The following PFKM variants were observed in gnomAD, a reference collection of about 807,000 sequenced individuals.
The protein encoded by PFKM is phosphofructokinase, muscle.
Under a neutral mutation model 95.5 loss-of-function variants are expected in PFKM, and 58 were observed. The ratio of observed to expected loss-of-function variants is 0.61; its 90% CI spans 0.49 to 0.76. The LOEUF is 0.76. Ranked by LOEUF, PFKM falls within the 30% of genes least tolerant of loss-of-function variation. PFKM has a pLI of 0.00. For missense variants in PFKM, 678 were observed against 1,005.4 expected (o/e 0.67, Z 4.40); for synonymous variants, 336 against 357.2 (o/e 0.94, Z 0.67).
chr12:48,107,936 C>T (rs568476875), intron 2 of PFKM: 9 of 734,930 alleles, frequency 1.2e-5, no homozygotes, highest in African/African-American at 3.5e-5. Flanking sequence ...AGGTACATCG[C>T]GTCTCTAATT....
chr12:48,133,155 A>G, intron 5 of PFKM, 98 bp downstream of exon 5: 2 of 1,350,328 alleles, frequency 1.5e-6, no homozygotes, highest in Admixed American at 3.4e-5. Flanking sequence ...CTCCCATTGG[A>G]GAAAAATGTT....
chr12:48,126,946 T>G (rs1948911395), intron 2 of PFKM, among the ~76,000 whole-genome samples: 1 of 151,334 alleles, frequency 6.6e-6, no homozygotes, highest in South Asian at 2.2e-4. Context: ...GAGAAGCCCC[T>G]CTCTTCACAG....
At chr12:48,127,582 T>C (rs1005414314) in intron 2 of PFKM, among the ~76,000 whole-genome samples, 1 of 152,200 alleles carries the variant, frequency 6.6e-6, no homozygotes, top group Non-Finnish European at 1.5e-5. Flanking sequence ...CTGTCCAGTA[T>C]TTTGTTTTGT....
chr12:48,128,872 C>T (rs1179545330), intron 2 of PFKM, among the ~76,000 whole-genome samples: 2 of 152,116 alleles, frequency 1.3e-5, no homozygotes, highest in South Asian at 4.1e-4. Flanking sequence ...AAATGGTTTA[C>T]AAGAAGTTGA....
At chr12:48,123,344 C>G (rs1214439239) in intron 2 of PFKM, among the ~76,000 whole-genome samples, 1 of 152,108 alleles carries the variant, frequency 6.6e-6, no homozygotes, top group Non-Finnish European at 1.5e-5. Context: ...CTTTCCTCCT[C>G]TTCCCTTTCA....
chr12:48,116,694 G>C (rs958474674), upstream of PFKM, among the ~76,000 whole-genome samples: 1 of 152,170 alleles, frequency 6.6e-6, no homozygotes, highest in African/African-American at 2.4e-5. Flanking sequence ...GCCCAGTCTG[G>C]TCTTAAATTC....
intron 12 of PFKM, 74 bp from the exon 13 acceptor site, chr12:48,139,775 A>C: frequency 9.8e-7 from 1 of 1,016,400 alleles, no homozygotes; most frequent in Non-Finnish European, 1.6e-6. Context: ...GCAACACTTC[A>C]GACCAGGATC....
intron 12 of PFKM, 80 bp downstream of exon 12, chr12:48,139,429 C>T: frequency 9.4e-7 from 1 of 1,066,866 alleles, no homozygotes; most frequent in Non-Finnish European, 1.5e-6. Flanking sequence ...GCTCCAGGCC[C>T]AAAACATGAG....
At chr12:48,137,162 AG>A (rs1950180523) in intron 10 of PFKM, among the ~76,000 whole-genome samples, 1 of 151,506 alleles carries the variant, frequency 6.6e-6, no homozygotes, top group South Asian at 2.1e-4. Flanking sequence ...CCTGGGTTCA[AG>A]GGATTCTTCT....
rs1023553930 is a variant in PFKM at position 48,129,511 on chromosome 12, T to C, written c.86-852T>C. 2.6e-5 allele frequency among the ~76,000 whole-genome samples: 4 copies of C among 152,070 alleles called. No homozygotes were observed. In the South Asian group the frequency reaches 6.2e-4, roughly 24 times the overall value. ...TTGAGGAAATGCCAGGAGAACGCAG[T>C]GAGAGAATAGAGTCCCCACCAATTC... is the stretch of plus-strand genomic sequence containing the variant. On this transcript the variant is annotated intron_variant, in intron 2 of 22. Coordinates refer to ENST00000359794, the MANE Select transcript of PFKM (RefSeq NM_000289.6).
At chr12:48,105,887 G>T (rs540019447), upstream of PFKM, 16 of 617,960 alleles carry the variant, frequency 2.6e-5, no homozygotes, top group Non-Finnish European at 4.1e-5. Context: ...CAGGGGGCGG[G>T]GCAGAGGAAA....
chr12:48,123,026 A>G (rs947442435), intron 2 of PFKM, among the ~76,000 whole-genome samples, 167 bp downstream of exon 2: 1 of 152,174 alleles, frequency 6.6e-6, no homozygotes, highest in African/African-American at 2.4e-5. Context: ...TTTATTTGCC[A>G]TGCGTTTATT....
rs1045367252 is a variant in PFKM, at chr12:48,134,398, G to T, written c.638+122G>T. ...TCTGGAGGTGCACATGCTCCTTGTG[G>T]TGTGGTTCCCTTTCCGGCCTCCATC... On this transcript the variant is annotated intron_variant, in intron 7 of 22. Transcript: ENST00000359794. The T allele has an allele frequency of 3.4e-6, 3 of 873,090 alleles. No individual in the cohort carries two copies. In the African/African-American group the frequency reaches 4.9e-5, roughly 14 times the overall value. The allele number at this position is 873,090 out of a possible 1,614,324, so 54.1% of individuals were successfully genotyped here. A position where few individuals can be genotyped will look rare whatever the true frequency, so the allele number is the denominator to read the frequency against.
chr12:48,125,730 A>T (rs1428026222), intron 2 of PFKM, among the ~76,000 whole-genome samples: 1 of 151,874 alleles, frequency 6.6e-6, no homozygotes, highest in East Asian at 1.9e-4. Flanking sequence ...AGTAGCTGAG[A>T]CCACAGGCCA....
intron 2 of PFKM, among the ~76,000 whole-genome samples, chr12:48,127,764 T>C (rs59787033): frequency 0.021 from 3,154 of 152,294 alleles, 119 homozygotes; most frequent in African/African-American, 0.069. Context: ...TCTTCAGGGA[T>C]TCTTTGTTGT....
chr12:48,135,463 C>A, intron 10 of PFKM, 80 bp downstream of exon 10: 1 of 991,908 alleles, frequency 1.0e-6, no homozygotes, highest in Non-Finnish European at 1.6e-6. Flanking sequence ...TGCACTTCAC[C>A]AGACAGGGAC....
Position 48,121,043 on chromosome 12 carries a change from C to T in PFKM, c.-9+1637C>T, listed in dbSNP as rs182754039. ...GTGCATGTCTGTAATCCCAGCTACT[C>T]GGGAGGCTGAGGCAGGAGAATCACT... On this transcript the variant is annotated intron_variant, in intron 1 of 22. Transcript: ENST00000359794. 2.4e-4 allele frequency among the ~76,000 whole-genome samples: 36 copies of T among 152,256 alleles called. 1 individual carries two copies. In the South Asian group the frequency reaches 4.3e-3, roughly 18 times the overall value.
rs371778846 is a variant in PFKM at position 48,145,139 on chromosome 12, G to A, written c.2092+9G>A. 1.2e-6 allele frequency: 2 copies of A among 1,612,656 alleles called. No homozygotes were observed. Among genetic ancestry groups the A allele is most frequent in the East Asian group, 4.5e-5 (2 of 44,874 alleles). ...AGAGAGTTACCGTAATGGTAGGTGG[G>A]GTGAGAGCGAGTGCCCTCTATAGAG... On this transcript the variant is annotated intron_variant, in intron 21 of 22. Transcript: ENST00000359794. The surrounding 1 kb of genome is among the most constrained non-coding windows in gnomAD (Gnocchi z 4.3).
At chr12:48,128,280 T>TC (rs879907677) in intron 2 of PFKM, among the ~76,000 whole-genome samples, 20 of 150,564 alleles carry the variant, frequency 1.3e-4, no homozygotes, top group Admixed American at 1.0e-3. Context: ...TCTCTCTCTC[T>TC]TTTTTTCGAG....
Sources: gnomAD v4.1 joint callset for allele counts (sites outside exome capture counted in the v4.1 genomes callset) on GRCh38, gnomAD v4.1.1 for gene constraint, Gnocchi (gnomAD v3.1) non-coding constraint, MANE v1.5 for transcripts, NCBI Gene and HGNC (gene_info 2026-07-23, HGNC 2026-07-21) for gene names.